The following MIA2 variants were observed in gnomAD, a reference collection of about 807,000 sequenced individuals.
MIA2 encodes the protein MIA SH3 domain ER export factor 2.
Under a neutral mutation model 167.8 loss-of-function variants are expected in MIA2, and 127 were observed. The ratio of observed to expected loss-of-function variants is 0.76; its 90% CI spans 0.66 to 0.88. The LOEUF is 0.88. Ranked by LOEUF, MIA2 falls within the 40% of genes least tolerant of loss-of-function variation. MIA2 has a pLI of 0.00. For synonymous variants in MIA2, 552 were observed against 541.9 expected, an observed-to-expected ratio of 1.02 and a Z score of -0.26; for missense variants, 1,690 against 1,624.7, an observed-to-expected ratio of 1.04 and a Z score of -0.69.
chr14:39,292,952 C>CT (rs912645527), intron 10 of MIA2, among the ~76,000 whole-genome samples: 9 of 151,714 alleles, frequency 5.9e-5, no homozygotes, highest in African/African-American at 1.7e-4. Context: ...GGGCTCTCCA[C>CT]TTTTTTTTGT....
intron 23 of MIA2, among the ~76,000 whole-genome samples, chr14:39,379,741 A>C (rs1041522758): frequency 2.0e-5 from 3 of 152,090 alleles, no homozygotes; most frequent in Non-Finnish European, 2.9e-5. Context: ...AATCCCAGTT[A>C]TCAGGAGGCT....
chr14:39,371,076 G>A (rs758523177), intron 23 of MIA2, among the ~76,000 whole-genome samples: 1 of 151,724 alleles, frequency 6.6e-6, no homozygotes, highest in Admixed American at 6.6e-5. Flanking sequence ...TTTATGTTAC[G>A]TAGTCATTTG....
intron 6 of MIA2, among the ~76,000 whole-genome samples, chr14:39,258,270 G>T (rs988912702): frequency 6.6e-5 from 10 of 152,108 alleles, no homozygotes; most frequent in South Asian, 2.1e-4. Flanking sequence ...TTTCTTGGAG[G>T]TGTTGTTTGT....
chr14:39,316,216 A>T (rs1413801838), intron 21 of MIA2, among the ~76,000 whole-genome samples: 1 of 152,260 alleles, frequency 6.6e-6, no homozygotes, highest in African/African-American at 2.4e-5. Context: ...TTTGTGCTCC[A>T]GAGGAACTAA....
intron 1 of MIA2, among the ~76,000 whole-genome samples, chr14:39,234,706 C>A (rs916883913): frequency 2.0e-5 from 3 of 152,002 alleles, no homozygotes; most frequent in African/African-American, 7.2e-5. Context: ...TATTTCAAAC[C>A]ATCATGATTT....
At chr14:39,280,917 T>G (rs1374952949) in intron 9 of MIA2, among the ~76,000 whole-genome samples, 5 of 65,162 alleles carry the variant, frequency 7.7e-5, no homozygotes, top group African/African-American at 5.2e-4. Context: ...TTTAGTTTTT[T>G]TTTTTTTTTT....
At chr14:39,266,652 C>A (rs543670519) in intron 6 of MIA2, 98 of 985,630 alleles carry the variant, frequency 9.9e-5, no homozygotes, top group Non-Finnish European at 1.2e-4. Flanking sequence ...GCAGGGCGCA[C>A]CGGCGCGTGC....
At chr14:39,365,311 C>T (rs2074795698) in intron 23 of MIA2, among the ~76,000 whole-genome samples, 1 of 152,184 alleles carries the variant, frequency 6.6e-6, no homozygotes, top group Admixed American at 6.5e-5. Flanking sequence ...AGTGATCTGC[C>T]TGCCTCAGCC....
chr14:39,356,163 G>A (rs970924546), downstream of MIA2, among the ~76,000 whole-genome samples: 4 of 151,868 alleles, frequency 2.6e-5, no homozygotes, highest in African/African-American at 9.7e-5. Flanking sequence ...GTAGAATTCG[G>A]CTGTGAATCC....
At chr14:39,379,015 C>T (rs1004877452) in intron 23 of MIA2, among the ~76,000 whole-genome samples, 2 of 152,142 alleles carry the variant, frequency 1.3e-5, no homozygotes, top group African/African-American at 4.8e-5. Flanking sequence ...ATTCCTCAAA[C>T]AATACGCCAA....
At chr14:39,315,860 G>C in intron 21 of MIA2, 142 bp downstream of exon 21, 1 of 601,178 alleles carries the variant, frequency 1.7e-6, no homozygotes, top group Admixed American at 3.2e-5. Flanking sequence ...GTGAAATTAT[G>C]TTCCTTGTGA....
At chr14:39,300,598 A>T (rs927203212) in intron 14 of MIA2, among the ~76,000 whole-genome samples, 17 of 146,130 alleles carry the variant, frequency 1.2e-4, no homozygotes, top group African/African-American at 4.0e-4. Context: ...GCTCTCACTC[A>T]TAGGTGGGAG....
At position 39,309,597 on chromosome 14, in the gene MIA2, C is replaced by G. The variant is rs530586615; in HGVS notation, c.3017+1010C>G. Among the ~76,000 whole-genome samples, 5 of 152,176 alleles carry G rather than the reference C, an allele frequency of 3.3e-5. No individual in the cohort carries two copies. In the East Asian group the frequency reaches 7.7e-4, roughly 23 times the overall value. ...CTCAAAGAATCCTTCCCTGGCTACTCTAACTAAAATAATACCTGCTACTCT... is the reference window on the plus strand; with the variant it reads ...CTCAAAGAATCCTTCCCTGGCTACTGTAACTAAAATAATACCTGCTACTCT... On this transcript the variant is annotated intron_variant, in intron 18 of 28. Transcript: ENST00000640607.
At chr14:39,302,823 G>A (rs2062741379) in intron 15 of MIA2, among the ~76,000 whole-genome samples, 6 of 151,970 alleles carry the variant, frequency 3.9e-5, no homozygotes, top group Admixed American at 2.0e-4. Context: ...TTGAAATATG[G>A]CATCATAGGA....
At chr14:39,300,401 A>G (rs2152873942) in intron 14 of MIA2, among the ~76,000 whole-genome samples, 1 of 152,334 alleles carries the variant, frequency 6.6e-6, no homozygotes, top group South Asian at 2.1e-4. Context: ...CTTTTAAAAA[A>G]TAAATTTAAT....
At chr14:39,251,477 G>C (rs988570110) in intron 4 of MIA2, among the ~76,000 whole-genome samples, 1 of 151,696 alleles carries the variant, frequency 6.6e-6, no homozygotes, top group African/African-American at 2.4e-5. Flanking sequence ...AAATAGTATA[G>C]GGAATATTCA....
chr14:39,295,464 TA>T (rs1281395660), intron 13 of MIA2, among the ~76,000 whole-genome samples: 1 of 152,212 alleles, frequency 6.6e-6, no homozygotes, highest in Non-Finnish European at 1.5e-5. Flanking sequence ...TTTGCCAATG[TA>T]ATTGTAACTT....
chr14:39,268,930 C>T (rs2056560897), intron 6 of MIA2: 2 of 871,858 alleles, frequency 2.3e-6, no homozygotes, highest in Admixed American at 1.2e-4. Flanking sequence ...GCATATTTCC[C>T]TTTCTTCACT....
chr14:39,352,336 CTA>C (rs2074411115), downstream of MIA2, among the ~76,000 whole-genome samples: 1 of 151,762 alleles, frequency 6.6e-6, no homozygotes, highest in South Asian at 2.1e-4. Flanking sequence ...TGTGAATCAT[CTA>C]TCTTGGTGTT....
Sources: allele counts gnomAD v4.1 joint callset (sites outside exome capture counted in the v4.1 genomes callset), GRCh38; gene constraint gnomAD v4.1.1; transcripts MANE v1.5; gene names NCBI Gene and HGNC (gene_info 2026-07-23, HGNC 2026-07-21).